The following SKAP2 variants were observed in gnomAD, a reference collection of about 807,000 sequenced individuals.
The protein encoded by SKAP2 is src kinase associated phosphoprotein 2.
A neutral mutation model predicts 54.9 loss-of-function variants in SKAP2; 28 were observed. The ratio of observed to expected loss-of-function variants is 0.51; its 90% CI spans 0.38 to 0.70. The LOEUF is 0.70. Among genes scored for constraint, SKAP2 ranks in the 30% least tolerant of loss-of-function variants. The pLI is 0.00. For synonymous variants in SKAP2, 137 were observed against 134.3 expected (o/e 1.02, Z -0.14); for missense variants, 356 against 424.1 (o/e 0.84, Z 1.41).
chr7:26,659,952 T>A, the SKAP2 span, among the ~76,000 whole-genome samples: 1 of 151,994 alleles, frequency 6.6e-6, no homozygotes, highest in Non-Finnish European at 1.5e-5. Flanking sequence ...TATGGCAGAG[T>A]TTAGGGCGGC....
intron 9 of SKAP2, among the ~76,000 whole-genome samples, chr7:26,707,370 AAAG>A (rs1787186079): frequency 6.6e-6 from 1 of 152,072 alleles, no homozygotes; most frequent in Non-Finnish European, 1.5e-5. Flanking sequence ...AGAAAAAAAA[AAAG>A]AAGTAATTAA....
intron 9 of SKAP2, among the ~76,000 whole-genome samples, chr7:26,696,601 A>G (rs4719877): frequency 0.82 from 124,351 of 152,168 alleles, 51,443 homozygotes; most frequent in African/African-American, 0.95. Flanking sequence ...AAGCAACCAG[A>G]AAGGTTAATG....
intron 4 of SKAP2, among the ~76,000 whole-genome samples, chr7:26,796,387 T>C (rs1352514390): frequency 3.3e-5 from 5 of 152,220 alleles, no homozygotes; most frequent in Non-Finnish European, 7.3e-5. Flanking sequence ...CTCCAGTAAA[T>C]TGCATATCGC....
intron 9 of SKAP2, among the ~76,000 whole-genome samples, chr7:26,722,763 C>A (rs972013091): frequency 1.3e-5 from 2 of 152,096 alleles, no homozygotes; most frequent in East Asian, 3.9e-4. Flanking sequence ...CAAAACACTG[C>A]AGGTTTATTT....
chr7:26,756,716 A>G (rs1291196835), intron 4 of SKAP2, among the ~76,000 whole-genome samples: 1 of 152,160 alleles, frequency 6.6e-6, no homozygotes, highest in Admixed American at 6.5e-5. Flanking sequence ...GGCTGAGTCA[A>G]ATGGTATTTC....
Position 26,802,278 on chromosome 7 carries a change from T to A in SKAP2, c.307+41752A>T, listed in dbSNP as rs67584363. ...AAAGACAGTTTTTTTTTTTTTTTGGTTTTTTTTTTTTTTGAGACGGAGTTT... is the reference window on the plus strand; with the variant it reads ...AAAGACAGTTTTTTTTTTTTTTTGGATTTTTTTTTTTTTGAGACGGAGTTT... On this transcript the variant is annotated intron_variant, in intron 4 of 12. Coordinates refer to ENST00000345317, the MANE Select transcript of SKAP2 (RefSeq NM_003930.5). Among the ~76,000 whole-genome samples the A allele has an allele frequency of 2.1e-4, 7 of 34,144 alleles. No homozygotes were observed. In the Admixed American group the frequency reaches 2.9e-3, roughly 14 times the overall value. The allele number at this position is 34,144 out of a possible 152,430, so 22.4% of individuals were successfully genotyped here. A position where few individuals can be genotyped will look rare whatever the true frequency, so the allele number is the denominator to read the frequency against.
At chr7:26,852,055 T>A (rs923392398) in intron 3 of SKAP2, among the ~76,000 whole-genome samples, 1 of 152,072 alleles carries the variant, frequency 6.6e-6, no homozygotes, top group African/African-American at 2.4e-5. Flanking sequence ...ATGTTCACAA[T>A]GTGACCCTAC....
At chr7:26,657,713 G>C in the SKAP2 span, among the ~76,000 whole-genome samples, 1 of 150,858 alleles carries the variant, frequency 6.6e-6, no homozygotes, top group Non-Finnish European at 1.5e-5. Context: ...GCTGAGATGA[G>C]CCAAAGAAAA....
intron 4 of SKAP2, among the ~76,000 whole-genome samples, chr7:26,763,618 A>T (rs1248917983): frequency 1.3e-5 from 2 of 152,192 alleles, no homozygotes; most frequent in Non-Finnish European, 2.9e-5. Context: ...TAGTTTTAAC[A>T]TCTATAGATT....
intron 4 of SKAP2, among the ~76,000 whole-genome samples, chr7:26,767,602 C>T (rs1019608958): frequency 2.0e-4 from 30 of 152,150 alleles, no homozygotes; most frequent in African/African-American, 7.2e-4. Flanking sequence ...GCATTTAATG[C>T]TATAAATTTC....
intron 4 of SKAP2, among the ~76,000 whole-genome samples, chr7:26,817,471 T>C (rs1464217471): frequency 6.6e-6 from 1 of 152,064 alleles, no homozygotes; most frequent in African/African-American, 2.4e-5. Flanking sequence ...TTATATAAAA[T>C]CCAAATATCA....
chr7:26,691,924 T>C (rs1468214352), intron 9 of SKAP2, among the ~76,000 whole-genome samples: 1 of 152,116 alleles, frequency 6.6e-6, no homozygotes, highest in Non-Finnish European at 1.5e-5. Context: ...ATGAACATCT[T>C]GTTATGGACT....
In SKAP2 at chr7:26,796,451, A is replaced by T. The variant is rs111441870; in HGVS notation, c.307+47579T>A. Among the ~76,000 whole-genome samples the T allele has an allele frequency of 8.7e-4, 133 of 152,350 alleles. 1 individual carries two copies. Among genetic ancestry groups the T allele is most frequent in the South Asian group, 3.5e-3 (17 of 4,828 alleles). On this transcript the variant is annotated intron_variant, in intron 4 of 12. Coordinates refer to ENST00000345317, the MANE Select transcript of SKAP2 (RefSeq NM_003930.5). ...CATATTTTTTACCATGTTTAGTGCA[A>T]TACTGAAAACCTTGAATAACACCAT...
chr7:26,756,173 A>G (rs1562598819), intron 4 of SKAP2, among the ~76,000 whole-genome samples: 2 of 152,106 alleles, frequency 1.3e-5, no homozygotes, highest in African/African-American at 4.8e-5. Flanking sequence ...CTTTTTTAAT[A>G]CTTTTTGTTA....
downstream of SKAP2, among the ~76,000 whole-genome samples, chr7:26,664,618 C>T (rs1440702707): frequency 6.6e-6 from 1 of 150,930 alleles, no homozygotes; most frequent in Admixed American, 6.7e-5. Flanking sequence ...TTTACTCTAG[C>T]AGGAGTGATA....
At chr7:26,667,044 G>A (rs1263955418), downstream of SKAP2, 3 of 152,150 alleles carry the variant, frequency 2.0e-5, no homozygotes, top group Non-Finnish European at 4.4e-5. Context: ...ACAGCAGGCT[G>A]TTGAATTATT....
intron 4 of SKAP2, among the ~76,000 whole-genome samples, chr7:26,790,906 C>G (rs752837373): frequency 1.3e-5 from 2 of 152,006 alleles, no homozygotes; most frequent in Non-Finnish European, 2.9e-5. Context: ...GCCTAAGACA[C>G]CAGAGGACTT....
intron 9 of SKAP2, among the ~76,000 whole-genome samples, chr7:26,692,650 T>C (rs544472077): frequency 2.4e-4 from 37 of 152,318 alleles, no homozygotes; most frequent in Middle Eastern, 3.4e-3. Context: ...GTCAAATATA[T>C]AGAAGACCTA....
At chr7:26,774,307 C>T (rs551685439) in intron 4 of SKAP2, among the ~76,000 whole-genome samples, 3 of 151,504 alleles carry the variant, frequency 2.0e-5, no homozygotes, top group African/African-American at 7.3e-5. Context: ...AGTGAGACTC[C>T]GTCTCAAAAA....
Sources: gnomAD v4.1 joint callset for allele counts (sites outside exome capture counted in the v4.1 genomes callset) on GRCh38, gnomAD v4.1.1 for gene constraint, MANE v1.5 for transcripts, NCBI Gene and HGNC (gene_info 2026-07-23, HGNC 2026-07-21) for gene names.